Variants in CCDC7 observed in about 807,000 individuals in gnomAD.
CCDC7 encodes coiled-coil domain containing 7.
Under a neutral mutation model 196.9 loss-of-function variants are expected in CCDC7, and 183 were observed. The observed-to-expected ratio is 0.93, with a 90% CI of 0.82 to 1.05. CCDC7 has a LOEUF of 1.05. Among genes scored for constraint, CCDC7 ranks in the 50% least tolerant of loss-of-function variants. The pLI, the probability that CCDC7 is intolerant of heterozygous loss-of-function variation, is 0.00. For synonymous variants in CCDC7, 525 were observed against 484.6 expected, an observed-to-expected ratio of 1.08 and a Z score of -1.10; for missense variants, 1,540 against 1,482.2, an observed-to-expected ratio of 1.04 and a Z score of -0.64.
chr10:32,844,892 A>G (rs1413617763), intron 33 of CCDC7, among the ~76,000 whole-genome samples: 1 of 151,812 alleles, frequency 6.6e-6, no homozygotes, highest in African/African-American at 2.4e-5. Flanking sequence ...GCACACACAC[A>G]CATAAAATGT....
At chr10:32,816,334 C>A in intron 31 of CCDC7, among the ~76,000 whole-genome samples, 1 of 152,182 alleles carries the variant, frequency 6.6e-6, no homozygotes, top group East Asian at 1.9e-4. Context: ...AACAAAGCAG[C>A]CAGGAAGCTC....
At chr10:32,689,320 T>C (rs1449156281) in intron 23 of CCDC7, among the ~76,000 whole-genome samples, 157 bp downstream of exon 24, 1 of 152,208 alleles carries the variant, frequency 6.6e-6, no homozygotes, top group Non-Finnish European at 1.5e-5. Context: ...ACATTTTGGT[T>C]GAGAGATTTC....
At chr10:32,876,033 G>A (rs2094587126) in intron 41 of CCDC7, among the ~76,000 whole-genome samples, 1 of 151,902 alleles carries the variant, frequency 6.6e-6, no homozygotes, top group African/African-American at 2.4e-5. Flanking sequence ...AGTTTCTTAG[G>A]CCGCAACCCC....
At chr10:32,529,437 A>T (rs2049275829) in intron 11 of CCDC7, among the ~76,000 whole-genome samples, 1 of 152,050 alleles carries the variant, frequency 6.6e-6, no homozygotes, top group Non-Finnish European at 1.5e-5. Context: ...AACATCTATT[A>T]TTTTTTGATT....
At chr10:32,648,601 A>G (rs1038703451) in intron 20 of CCDC7, among the ~76,000 whole-genome samples, 1 of 152,200 alleles carries the variant, frequency 6.6e-6, no homozygotes, top group African/African-American at 2.4e-5. Flanking sequence ...TGTCTTCCAC[A>G]GTGGCTGAAC....
intron 14 of CCDC7, among the ~76,000 whole-genome samples, chr10:32,566,078 GAATA>G (rs1412270269): frequency 1.3e-5 from 2 of 152,010 alleles, no homozygotes; most frequent in Admixed American, 1.3e-4. Context: ...TTTCATAAAT[GAATA>G]GACAAAAGTG....
chr10:32,854,961 T>C (rs1253287591), intron 41 of CCDC7, among the ~76,000 whole-genome samples: 2 of 152,214 alleles, frequency 1.3e-5, no homozygotes, highest in Non-Finnish European at 2.9e-5. Context: ...ATTAAAGGTA[T>C]ATATCATTTT....
intron 9 of CCDC7, among the ~76,000 whole-genome samples, chr10:32,516,063 A>G (rs2046983924): frequency 6.6e-6 from 1 of 152,168 alleles, no homozygotes. Flanking sequence ...GATACTATCA[A>G]AAACATGAAA....
At chr10:32,565,680 C>T in intron 14 of CCDC7, 60 bp downstream of exon 15, 1 of 1,546,990 alleles carries the variant, frequency 6.5e-7, no homozygotes, top group African/African-American at 1.4e-5. Context: ...CCACAAAGAA[C>T]TTTTCAAATG....
At chr10:32,729,206 C>A in intron 27 of CCDC7, 126 bp from the exon 29 acceptor site, 1 of 985,470 alleles carries the variant, frequency 1.0e-6, no homozygotes, top group Non-Finnish European at 1.5e-6. Context: ...AGTAGTATCA[C>A]TGCCTCCACA....
chr10:32,592,244 C>A (rs1391816167), intron 18 of CCDC7, among the ~76,000 whole-genome samples: 3 of 151,854 alleles, frequency 2.0e-5, no homozygotes, highest in Non-Finnish European at 4.4e-5. Context: ...CTCTTTTATT[C>A]AATCTAGCTA....
rs537932432 is a variant in CCDC7 at position 32,843,728 on chromosome 10, C to T, written c.3353-1515C>T. ...TTATCTAAGAATCTTTGCATACTCA[C>T]TTGAAATGAACCATTCCTTCTTATG... On this transcript the variant is annotated intron_variant, in intron 33 of 41. Coordinates refer to ENST00000639629, the Ensembl canonical transcript of CCDC7. Among the ~76,000 whole-genome samples, 7 of 152,080 alleles carry T rather than the reference C, an allele frequency of 4.6e-5. No homozygotes were observed. The East Asian group carries it at 1.4e-3, about 29-fold the overall frequency.
chr10:32,845,921 T>C (rs1322719009), exon 36 of CCDC7: 7 of 1,612,482 alleles, frequency 4.3e-6, no homozygotes, highest in Non-Finnish European at 5.9e-6. Flanking sequence ...AGAGGTATAA[T>C]AATAGGGCCA....
intron 1 of CCDC7, 71 bp downstream of exon 2, chr10:32,451,992 G>A: frequency 6.7e-7 from 1 of 1,490,148 alleles, no homozygotes; most frequent in Non-Finnish European, 8.9e-7. Flanking sequence ...GTGCTAGGAG[G>A]ACTCACATGA....
chr10:32,682,516 A>C (rs1412107008), intron 21 of CCDC7, among the ~76,000 whole-genome samples: 2 of 152,206 alleles, frequency 1.3e-5, no homozygotes, highest in East Asian at 3.8e-4. Flanking sequence ...GGTCATTCCC[A>C]GTAACGGGGT....
At chr10:32,663,376 A>C (rs1395423804) in intron 20 of CCDC7, among the ~76,000 whole-genome samples, 1 of 152,196 alleles carries the variant, frequency 6.6e-6, no homozygotes, top group Non-Finnish European at 1.5e-5. Context: ...GCAATTTTGC[A>C]TGTAGGGTCT....
At chr10:32,547,983 A>G (rs1342310493) in intron 13 of CCDC7, among the ~76,000 whole-genome samples, 1 of 152,130 alleles carries the variant, frequency 6.6e-6, no homozygotes, top group African/African-American at 2.4e-5. Flanking sequence ...CTATTGTATC[A>G]TTCTTATGTC....
At chr10:32,651,586 G>A (rs1048741881) in intron 20 of CCDC7, among the ~76,000 whole-genome samples, 1 of 152,174 alleles carries the variant, frequency 6.6e-6, no homozygotes, top group Non-Finnish European at 1.5e-5. Context: ...TTTCGGGCAG[G>A]AGCACTCTGT....
intron 36 of CCDC7, 63 bp from the exon 38 acceptor site, chr10:32,846,313 C>A: frequency 1.0e-6 from 1 of 955,340 alleles, no homozygotes; most frequent in Non-Finnish European, 1.6e-6. Flanking sequence ...TAAACACACA[C>A]GTATACACAT....
Sources: gnomAD v4.1 joint callset for allele counts (sites outside exome capture counted in the v4.1 genomes callset) on GRCh38, gnomAD v4.1.1 for gene constraint, MANE v1.5 for transcripts, NCBI Gene and HGNC (gene_info 2026-07-23, HGNC 2026-07-21) for gene names.